Variants in TRMT44 observed in about 807,000 individuals in gnomAD.
TRMT44 encodes probable tRNA (uracil-O(2)-)-methyltransferase.
Under a neutral mutation model 77.3 loss-of-function variants are expected in TRMT44, and 78 were observed. The observed-to-expected ratio is 1.01, with a 90% confidence interval of 0.84 to 1.22. The LOEUF (loss-of-function observed/expected upper bound fraction) is 1.22, where lower values mean the gene tolerates loss of function less well. Ranked by LOEUF, TRMT44 falls within the 50% of genes most tolerant of loss-of-function variation. TRMT44 has a pLI of 0.00. For synonymous variants in TRMT44, 391 were observed against 383.3 expected, an observed-to-expected ratio of 1.02 and a Z score of -0.23; for missense variants, 1,090 against 964.4, an observed-to-expected ratio of 1.13 and a Z score of -1.73.
chr4:8,500,738 A>G, the TRMT44 span, among the ~76,000 whole-genome samples: 1 of 151,502 alleles, frequency 6.6e-6, no homozygotes, highest in African/African-American at 2.4e-5. Context: ...ATTCACTACA[A>G]CTTCCACCTC....
At chr4:8,511,623 T>C in the TRMT44 span, among the ~76,000 whole-genome samples, 1 of 151,776 alleles carries the variant, frequency 6.6e-6, no homozygotes, top group Non-Finnish European at 1.5e-5. Flanking sequence ...CCCTAAACCA[T>C]AATGACAGAT....
intron 10 of TRMT44, among the ~76,000 whole-genome samples, chr4:8,474,668 C>T (rs1162449886): frequency 6.6e-6 from 1 of 152,262 alleles, no homozygotes; most frequent in Non-Finnish European, 1.5e-5. Context: ...CAGACTTCCT[C>T]ACTGAGGCTC....
In TRMT44 at chr4:8,452,712, C is replaced by T. The variant is rs73211388; in HGVS notation, c.1024-170C>T. Among the ~76,000 whole-genome samples the T allele has an allele frequency of 0.027, 4,081 of 150,350 alleles. 97 individuals are homozygous for T. Among genetic ancestry groups the T allele is most frequent in the African/African-American group, 0.067 (2,735 of 40,810 alleles). On this transcript the variant is annotated intron_variant, in intron 4 of 10. Coordinates refer to ENST00000389737, the MANE Select transcript of TRMT44 (RefSeq NM_152544.3). The surrounding 1 kb of genome is among the most constrained non-coding windows in gnomAD (Gnocchi z 5.7). ...TTGCATCATTGCACTCTAGCCTGGG[C>T]GGCAAGAGCAACACTCCATCTCAAA...
At chr4:8,494,110 A>C (rs1728088548), downstream of TRMT44, among the ~76,000 whole-genome samples, 1 of 151,566 alleles carries the variant, frequency 6.6e-6, no homozygotes. Flanking sequence ...AAGGAAAATC[A>C]ATCTCGGGAC....
intron 2 of TRMT44, among the ~76,000 whole-genome samples, chr4:8,491,314 TC>T (rs1727995574): frequency 1.3e-5 from 2 of 152,314 alleles, no homozygotes; most frequent in Admixed American, 6.5e-5. Flanking sequence ...ACTCTCCACA[TC>T]CCCACCAGAC....
the TRMT44 span, chr4:8,512,421 C>G: frequency 2.6e-5 from 4 of 152,180 alleles, no homozygotes; most frequent in South Asian, 8.3e-4. Context: ...TTCATCTTTG[C>G]ATGATTTCCA....
Position 8,446,681 on chromosome 4 carries a change from G to T in TRMT44, c.734+91G>T. ...GGATTCTGGGTTGCCAGGGCTTAAGGTCCTGTCTCTGAGGTGGTTATGGTT... is the reference window on the plus strand; with the variant it reads ...GGATTCTGGGTTGCCAGGGCTTAAGTTCCTGTCTCTGAGGTGGTTATGGTT... On this transcript the variant is annotated intron_variant, in intron 2 of 10. Transcript: ENST00000389737. The surrounding 1 kb of genome is among the most constrained non-coding windows in gnomAD (Gnocchi z 4.3). 1.2e-6 allele frequency: 1 copy of T among 835,966 alleles called. No homozygotes were observed. The highest frequency in any genetic ancestry group is 1.9e-6 in the Non-Finnish European group (1 of 539,166). The allele number at this position is 835,966 out of a possible 1,614,324, so 51.8% of individuals were successfully genotyped here.
At position 8,451,889 on chromosome 4, in the gene TRMT44, G is replaced by T; in HGVS notation, c.955-71G>T. 1.5e-6 allele frequency: 2 copies of T among 1,333,704 alleles called. No individual in the cohort carries two copies. Among genetic ancestry groups the T allele is most frequent in the Non-Finnish European group, 1.0e-6 (1 of 962,524 alleles). The allele number at this position is 1,333,704 out of a possible 1,614,324, so 82.6% of individuals were successfully genotyped here. ...TCCAGTTTGATTTATGCTTTATAGG[G>T]ATACTTAAAGTATTGGGAAATGGTG... is the stretch of plus-strand genomic sequence containing the variant. On this transcript the variant is annotated intron_variant, in intron 3 of 10. Coordinates refer to ENST00000389737, the MANE Select transcript of TRMT44 (RefSeq NM_152544.3). This position sits in a 1 kb window ranked among gnomAD's most constrained non-coding sequence, Gnocchi z 4.1.
chr4:8,467,859 A>G, intron 8 of TRMT44, 55 bp from the exon 9 acceptor site: 2 of 1,493,970 alleles, frequency 1.3e-6, no homozygotes, highest in Non-Finnish European at 1.8e-6. Context: ...TTCCATGGAG[A>G]ACGTTGAAAT....
At position 8,452,049 on chromosome 4, in the gene TRMT44, A is replaced by C; in HGVS notation, c.1023+21A>C. The stretch of plus-strand genomic sequence containing the variant: ...TGCTGGTAAGGGTGTAAGCGACCTC[A>C]GCTTCTCTGGAGTGGGTGGAGTTTG... On this transcript the variant is annotated intron_variant, in intron 4 of 10. Coordinates refer to ENST00000389737, the MANE Select transcript of TRMT44 (RefSeq NM_152544.3). This position sits in a 1 kb window ranked among gnomAD's most constrained non-coding sequence, Gnocchi z 5.7. The C allele has an allele frequency of 6.5e-7, 1 of 1,535,020 alleles. No individual in the cohort carries two copies.
At chr4:8,497,620 G>A (rs1211256358), downstream of TRMT44, among the ~76,000 whole-genome samples, 1 of 152,088 alleles carries the variant, frequency 6.6e-6, no homozygotes, top group African/African-American at 2.4e-5. Flanking sequence ...ACTCCAGCCT[G>A]GGCGACACAG....
chr4:8,441,129 G>C lies in TRMT44; in HGVS notation c.307G>C (p.Ala103Pro). ...QGTACCELEE[A>P]QGQCQQEEAQ... ...CACGGCATGTTGCGAACTTGAGGAGGCCCAGGGCCAGTGCCAGCAAGAGGA... is the reference window on the plus strand; with the variant it reads ...CACGGCATGTTGCGAACTTGAGGAGCCCCAGGGCCAGTGCCAGCAAGAGGA... Residue 103 changes from alanine to proline, a missense_variant, in exon 1 of 11, where the codon GCC (alanine) becomes CCC (proline). Coordinates refer to ENST00000389737, the MANE Select transcript of TRMT44 (RefSeq NM_152544.3). 6.6e-7 allele frequency: 1 copy of C among 1,521,126 alleles called. No homozygotes were observed. Among genetic ancestry groups the C allele is most frequent in the Non-Finnish European group, 8.8e-7 (1 of 1,137,084 alleles). The allele number at this position is 1,521,126 out of a possible 1,614,324, so 94.2% of individuals were successfully genotyped here.
In TRMT44 at chr4:8,449,750, A is replaced by T; in HGVS notation, c.816A>T (p.Glu272Asp). ...ATCCCAAACCCACGTGGCTTGGAGA[A>T]GAGTTGCTGGCCAAGTTGGCCAAGT... is the stretch of plus-strand genomic sequence containing the variant. ...IVYPKPTWLG[E>D]ELLAKLAKWS... Residue 272 changes from glutamate (E) to aspartate (D), a missense_variant, in exon 3 of 11, where the codon GAA (glutamate) becomes GAT (aspartate). Physicochemically the swap from Glu to Asp is conservative, Grantham distance 45. Transcript: ENST00000389737. 6.5e-7 allele frequency: 1 copy of T among 1,536,100 alleles called. No individual in the cohort carries two copies. Among genetic ancestry groups the T allele is most frequent in the South Asian group, 1.2e-5 (1 of 84,062 alleles).
At chr4:8,471,547 G>T (rs949458789) in intron 10 of TRMT44, among the ~76,000 whole-genome samples, 1 of 152,268 alleles carries the variant, frequency 6.6e-6, no homozygotes, top group African/African-American at 2.4e-5. Flanking sequence ...GGGGGTCATT[G>T]TTTGGCGTCA....
intron 2 of TRMT44, among the ~76,000 whole-genome samples, chr4:8,490,826 G>T (rs1727977797): frequency 6.6e-6 from 1 of 152,184 alleles, no homozygotes; most frequent in African/African-American, 2.4e-5. Context: ...CTGCTGATTG[G>T]TAGAGCCAAG....
At chr4:8,504,868 T>C in the TRMT44 span, among the ~76,000 whole-genome samples, 6 of 152,116 alleles carry the variant, frequency 3.9e-5, no homozygotes, top group African/African-American at 1.4e-4. The surrounding 1 kb of genome is among the most constrained non-coding windows in gnomAD (Gnocchi z 5.3). Context: ...GAACGCCACT[T>C]CTCTGGATTC....
chr4:8,465,315 C>T (rs779497589), intron 7 of TRMT44, 63 bp from the exon 8 acceptor site: 63 of 1,506,074 alleles, frequency 4.2e-5, no homozygotes, highest in Non-Finnish European at 4.5e-5. Flanking sequence ...GGCTTTGTTC[C>T]GAATTTCCTT....
intron 1 of TRMT44, among the ~76,000 whole-genome samples, chr4:8,441,920 C>T (rs553327138): frequency 6.6e-6 from 1 of 152,302 alleles, no homozygotes; most frequent in Admixed American, 6.5e-5. Flanking sequence ...AAGAAGCGGA[C>T]GTTCGGGGCG....
intron 9 of TRMT44, among the ~76,000 whole-genome samples, chr4:8,470,363 T>C (rs888480874): frequency 6.6e-6 from 1 of 152,202 alleles, no homozygotes; most frequent in Non-Finnish European, 1.5e-5. Flanking sequence ...TCCTCCGCTC[T>C]CCTGCAGCTT....
Sources: allele counts gnomAD v4.1 joint callset (sites outside exome capture counted in the v4.1 genomes callset), GRCh38; gene constraint gnomAD v4.1.1; non-coding constraint Gnocchi (gnomAD v3.1); transcripts MANE v1.5; gene names NCBI Gene and HGNC (gene_info 2026-07-23, HGNC 2026-07-21).